The following EPB41L2 variants were observed in gnomAD, a reference collection of about 807,000 sequenced individuals.
EPB41L2 encodes the protein band 4.1-like protein 2.
A neutral mutation model predicts 113.0 loss-of-function variants in EPB41L2; 43 were observed. The observed-to-expected ratio is 0.38, with a 90% CI of 0.30 to 0.49. The LOEUF (loss-of-function observed/expected upper bound fraction) is 0.49. Ranked by LOEUF, EPB41L2 falls within the 20% of genes least tolerant of loss-of-function variation. The pLI, the probability that EPB41L2 is intolerant of heterozygous loss-of-function variation, is 0.95. For missense variants in EPB41L2, 1,147 were observed against 1,223.4 expected, an observed-to-expected ratio of 0.94 and a Z score of 0.93; for synonymous variants, 442 against 436.7, an observed-to-expected ratio of 1.01 and a Z score of -0.15.
chr6:130,857,995 G>GGAT (rs368738432), intron 19 of EPB41L2, 136 bp downstream of exon 19: 2 of 702,222 alleles, frequency 2.8e-6, no homozygotes, highest in Non-Finnish European at 5.1e-6. Flanking sequence ...ATGCACCTGG[G>GGAT]GATGATAACA....
At chr6:130,869,539 C>A in intron 15 of EPB41L2, 24 bp downstream of exon 15, 1 of 1,603,432 alleles carries the variant, frequency 6.2e-7, no homozygotes, top group South Asian at 1.1e-5. Flanking sequence ...TAGAGTTTGG[C>A]TCCCACCTGG....
intron 3 of EPB41L2, among the ~76,000 whole-genome samples, chr6:130,927,943 G>A (rs1451290304): frequency 6.6e-6 from 1 of 151,856 alleles, no homozygotes; most frequent in Non-Finnish European, 1.5e-5. Context: ...AAATACAAAC[G>A]TTAGCCAGGT....
At chr6:131,052,744 G>GT (rs911215286) in intron 1 of EPB41L2, among the ~76,000 whole-genome samples, 2 of 152,074 alleles carry the variant, frequency 1.3e-5, no homozygotes, top group African/African-American at 4.8e-5. Context: ...AGTCAAACAG[G>GT]TATTACATTT....
At chr6:130,985,996 C>A (rs1173457352) in intron 1 of EPB41L2, among the ~76,000 whole-genome samples, 1 of 151,894 alleles carries the variant, frequency 6.6e-6, no homozygotes, top group African/African-American at 2.4e-5. Flanking sequence ...GATACAAAAG[C>A]CAAAAAAAAC....
chr6:130,955,088 T>C lies in EPB41L2; in HGVS notation c.705+17A>G. Reference sequence around the variant, plus strand: ...ATCCACATATCAAGCTAGCTCTCACTCAGCTCCCTATCTCACCTCCAGGTC... The same window carrying C: ...ATCCACATATCAAGCTAGCTCTCACCCAGCTCCCTATCTCACCTCCAGGTC... On this transcript the variant is annotated intron_variant, in intron 3 of 19. Coordinates refer to ENST00000337057, the MANE Select transcript of EPB41L2 (RefSeq NM_001431.4). 6.2e-7 allele frequency: 1 copy of C among 1,610,140 alleles called. No homozygotes were observed. Among genetic ancestry groups the C allele is most frequent in the East Asian group, 2.2e-5 (1 of 44,850 alleles).
At chr6:131,013,994 T>C (rs139799901) in intron 1 of EPB41L2, 2 of 151,684 alleles carry the variant, frequency 1.3e-5, no homozygotes, top group East Asian at 3.9e-4. Context: ...TCCTGATGCT[T>C]AATTGTGCCT....
At chr6:130,895,929 A>C (rs1349664275) in intron 8 of EPB41L2, among the ~76,000 whole-genome samples, 1 of 152,218 alleles carries the variant, frequency 6.6e-6, no homozygotes, top group Non-Finnish European at 1.5e-5. Context: ...TCTAAGATGC[A>C]TGTATTCAAA....
At chr6:130,939,611 A>G (rs1810105497) in intron 3 of EPB41L2, among the ~76,000 whole-genome samples, 1 of 151,946 alleles carries the variant, frequency 6.6e-6, no homozygotes. Flanking sequence ...CCTAGGACCC[A>G]CCCCCCAATT....
At chr6:130,856,531 T>C (rs1294766569) in intron 19 of EPB41L2, among the ~76,000 whole-genome samples, 1 of 152,250 alleles carries the variant, frequency 6.6e-6, no homozygotes, top group Non-Finnish European at 1.5e-5. Flanking sequence ...CAGTTACACA[T>C]ATTTACCAAA....
At chr6:130,984,635 T>C (rs1780112090) in intron 1 of EPB41L2, among the ~76,000 whole-genome samples, 1 of 152,194 alleles carries the variant, frequency 6.6e-6, no homozygotes, top group African/African-American at 2.4e-5. Flanking sequence ...AAAAGCTTTC[T>C]CTATAAACTC....
At chr6:130,969,591 G>A (rs1416184847) in intron 1 of EPB41L2, among the ~76,000 whole-genome samples, 3 of 152,158 alleles carry the variant, frequency 2.0e-5, no homozygotes, top group Non-Finnish European at 2.9e-5. Context: ...TACTTAGGGT[G>A]TGACAATATC....
In EPB41L2 at chr6:130,885,981, T is replaced by C. The variant is rs187827115; in HGVS notation, c.1661-713A>G. On this transcript the variant is annotated intron_variant, in intron 11 of 19. Coordinates refer to ENST00000337057, the MANE Select transcript of EPB41L2 (RefSeq NM_001431.4). ...GTACATTGTATTGAAAATTCTGTCA[T>C]AGTGCAGATCAAACCAAGACTACCT... is the stretch of plus-strand genomic sequence containing the variant. Among the ~76,000 whole-genome samples the C allele has an allele frequency of 1.4e-3, 210 of 152,292 alleles. 3 individuals carry two copies. Among genetic ancestry groups the C allele is most frequent in the Admixed American group, 0.013 (192 of 15,296 alleles).
chr6:130,929,719 C>T (rs1806052105), intron 3 of EPB41L2, among the ~76,000 whole-genome samples: 1 of 152,058 alleles, frequency 6.6e-6, no homozygotes, highest in Admixed American at 6.6e-5. Context: ...GCCCAATTGG[C>T]TCAAAGAAAA....
At chr6:130,939,404 C>A (rs960832453) in intron 3 of EPB41L2, among the ~76,000 whole-genome samples, 1 of 152,186 alleles carries the variant, frequency 6.6e-6, no homozygotes, top group South Asian at 2.1e-4. Context: ...CAGGCGTGTG[C>A]CACCAAGCCC....
At chr6:131,044,093 C>T (rs1322879775) in intron 1 of EPB41L2, among the ~76,000 whole-genome samples, 3 of 146,746 alleles carry the variant, frequency 2.0e-5, no homozygotes, top group Non-Finnish European at 4.4e-5. Context: ...GAAATCACCA[C>T]TCACTGCAGC....
At chr6:130,864,252 T>C (rs534426937) in intron 17 of EPB41L2, among the ~76,000 whole-genome samples, 1 of 152,384 alleles carries the variant, frequency 6.6e-6, no homozygotes, top group Non-Finnish European at 1.5e-5. Flanking sequence ...GTGATGGTTT[T>C]GACTGATGGA....
Position 130,869,637 on chromosome 6 carries a change from C to T in EPB41L2, c.2533G>A (p.Glu845Lys), listed in dbSNP as rs981756305. 2.5e-6 allele frequency: 4 copies of T among 1,614,100 alleles called. No individual in the cohort carries two copies. Among genetic ancestry groups the T allele is most frequent in the Admixed American group, 3.3e-5 (2 of 60,004 alleles). ...KQDMGEEAEE[E>K]PQKVNGEVSH... ...ACCTCTCCGTTAACTTTCTGTGGCT[C>T]TTCCTCTGCTTCTTCTCCCATGTCT... Residue 845 changes from glutamate (E) to lysine (K), a missense_variant, in exon 15 of 20, where the codon GAG becomes AAG. Transcript: ENST00000337057.
At chr6:130,987,208 G>T (rs1178750792) in intron 1 of EPB41L2, among the ~76,000 whole-genome samples, 1 of 152,154 alleles carries the variant, frequency 6.6e-6, no homozygotes, top group East Asian at 1.9e-4. Context: ...TTTATTGTGT[G>T]GTCATACGTT....
intron 3 of EPB41L2, among the ~76,000 whole-genome samples, chr6:130,944,564 A>C (rs1280309489): frequency 6.6e-6 from 1 of 152,228 alleles, no homozygotes; most frequent in Non-Finnish European, 1.5e-5. Context: ...TGCCAAACTA[A>C]TGGTGCAAAC....
Sources: allele counts gnomAD v4.1 joint callset (sites outside exome capture counted in the v4.1 genomes callset), GRCh38; gene constraint gnomAD v4.1.1; transcripts MANE v1.5; gene names NCBI Gene and HGNC (gene_info 2026-07-23, HGNC 2026-07-21).